The following SDHAF3 variants were observed in gnomAD, a reference collection of about 807,000 sequenced individuals.
SDHAF3 encodes succinate dehydrogenase complex assembly factor 3, also known as succinate dehydrogenase assembly factor 3, mitochondrial.
A neutral mutation model predicts 11.5 loss-of-function variants in SDHAF3; 18 were observed. That is an observed-to-expected ratio of 1.56 (90% CI 1.08 to 2.32). The LOEUF is 2.32. Ranked by LOEUF, SDHAF3 falls within the 30% of genes most tolerant of loss-of-function variation. The pLI is 0.00. For synonymous variants in SDHAF3, 72 were observed against 59.3 expected (o/e 1.21, Z -0.99); for missense variants, 200 against 154.4 (o/e 1.30, Z -1.57).
At chr7:97,163,831 C>G (rs1018109677) in intron 1 of SDHAF3, among the ~76,000 whole-genome samples, 1 of 151,982 alleles carries the variant, frequency 6.6e-6, no homozygotes, top group African/African-American at 2.4e-5. Context: ...TTCGAGAGCT[C>G]TTGTAAAGCA....
intron 1 of SDHAF3, among the ~76,000 whole-genome samples, chr7:97,131,171 T>A (rs571581315): frequency 6.6e-6 from 1 of 152,252 alleles, no homozygotes; most frequent in Admixed American, 6.5e-5. Context: ...ATTAAACTTT[T>A]GTGCTGTAAG....
At chr7:97,169,687 T>G (rs2115736246) in intron 1 of SDHAF3, among the ~76,000 whole-genome samples, 1 of 152,200 alleles carries the variant, frequency 6.6e-6, no homozygotes, top group East Asian at 1.9e-4. Context: ...TAAAAATCTA[T>G]TGCTAAATGC....
At position 97,181,562 on chromosome 7, in the gene SDHAF3, T is replaced by G. The variant is rs1281949723; in HGVS notation, c.*347T>G. 5.9e-6 allele frequency: 1 copy of G among 170,246 alleles called. No individual in the cohort carries two copies. The highest frequency in any genetic ancestry group is 2.4e-5 in the African/African-American group (1 of 41,812). The allele number at this position is 170,246 out of a possible 1,614,324, so 10.5% of individuals were successfully genotyped here. A position where few individuals can be genotyped will look rare whatever the true frequency, so the allele number is the denominator to read the frequency against. The stretch of plus-strand genomic sequence containing the variant: ...TGTTGTGATAATGATAGATGTACAA[T>G]TCCAACAAGGTTATTATTTTTTAAA... On this transcript the variant is annotated 3_prime_UTR_variant, in exon 2 of 2. Transcript: ENST00000432641.
Position 97,117,720 on chromosome 7 carries a change from C to T in SDHAF3, c.-4C>T, listed in dbSNP as rs148234166. 1.5e-3 allele frequency: 2,456 copies of T among 1,610,488 alleles called. 42 individuals carry two copies. In the African/African-American group the frequency reaches 0.03, roughly 20 times the overall value. ...GGCGCAGTCGGCGGTCGGCGTGGGG[C>T]GCTATGCCGGGGCGGCACGTTTCTC... On this transcript the variant is annotated 5_prime_UTR_variant, in exon 1 of 2. Transcript: ENST00000432641.
chr7:97,165,820 A>G (rs1354248496), intron 1 of SDHAF3, among the ~76,000 whole-genome samples: 1 of 152,186 alleles, frequency 6.6e-6, no homozygotes, highest in African/African-American at 2.4e-5. Context: ...CAGTTTACAC[A>G]TTTTATTCTT....
chr7:97,145,050 GT>G lies in SDHAF3; in HGVS notation c.174+27166del, dbSNP rs545292829. ...TTAGGTATATTCCTAAGTATTTTTT[GT>G]TTTTTTTTTTTTGCAGCTATTGTAA... On this transcript the variant is annotated intron_variant, in intron 1 of 1. Coordinates refer to ENST00000432641, the MANE Select transcript of SDHAF3 (RefSeq NM_020186.3). Among the ~76,000 whole-genome samples the G allele has an allele frequency of 1.3e-3, 169 of 131,390 alleles. 1 individual carries two copies. The highest frequency in any genetic ancestry group is 3.2e-3 in the African/African-American group (113 of 35,668). The allele number at this position is 131,390 out of a possible 152,430, so 86.2% of individuals were successfully genotyped here.
intron 1 of SDHAF3, among the ~76,000 whole-genome samples, chr7:97,151,459 A>G (rs1789218327): frequency 1.3e-5 from 2 of 150,904 alleles, no homozygotes; most frequent in Admixed American, 6.6e-5. Flanking sequence ...AGCCCTCCAA[A>G]GAATGGGTAA....
chr7:97,136,422 A>T, intron 1 of SDHAF3: 1 of 643,404 alleles, frequency 1.6e-6, no homozygotes, highest in Non-Finnish European at 2.9e-6. Flanking sequence ...TGTATCTGAA[A>T]AGAAAATTTC....
At chr7:97,164,794 C>T (rs1190396081) in intron 1 of SDHAF3, among the ~76,000 whole-genome samples, 3 of 152,006 alleles carry the variant, frequency 2.0e-5, no homozygotes, top group Non-Finnish European at 4.4e-5. Context: ...ACTGATCTAC[C>T]AATGTGGGGA....
intron 1 of SDHAF3, among the ~76,000 whole-genome samples, chr7:97,166,678 T>C (rs1357812560): frequency 6.6e-6 from 1 of 152,066 alleles, no homozygotes; most frequent in Non-Finnish European, 1.5e-5. Flanking sequence ...TTTCCCATCA[T>C]GGCCTGAACT....
intron 1 of SDHAF3, among the ~76,000 whole-genome samples, chr7:97,163,552 C>T (rs559932282): frequency 3.9e-5 from 6 of 152,228 alleles, no homozygotes; most frequent in Admixed American, 2.6e-4. Flanking sequence ...TGTCCTTGCA[C>T]GTGAGATGGA....
chr7:97,142,040 G>GTTT (rs1474413744), intron 1 of SDHAF3, among the ~76,000 whole-genome samples: 3 of 87,904 alleles, frequency 3.4e-5, no homozygotes, highest in Non-Finnish European at 4.4e-5. Flanking sequence ...GTGAATTGTT[G>GTTT]TCTTTTTTTT....
At position 97,150,744 on chromosome 7, in the gene SDHAF3, T is replaced by C. The variant is rs574227239; in HGVS notation, c.175-30268T>C. On this transcript the variant is annotated intron_variant, in intron 1 of 1. Transcript: ENST00000432641. ...ACACCCGGATAATTTTTTGTATTTT[T>C]AGTAGAGACGGGATTTCACTTGTTA... Among the ~76,000 whole-genome samples the C allele has an allele frequency of 4.3e-4, 66 of 151,944 alleles. 1 individual carries two copies. Among genetic ancestry groups the C allele is most frequent in the Admixed American group, 2.0e-3 (30 of 15,266 alleles).
intron 1 of SDHAF3, among the ~76,000 whole-genome samples, chr7:97,123,779 C>G (rs1791533895): frequency 6.9e-6 from 1 of 144,384 alleles, no homozygotes; most frequent in African/African-American, 2.5e-5. Context: ...TTGTTTACTG[C>G]ATAAATGTCT....
At chr7:97,167,432 C>T (rs1028068663) in intron 1 of SDHAF3, among the ~76,000 whole-genome samples, 21 of 152,060 alleles carry the variant, frequency 1.4e-4, no homozygotes, top group Admixed American at 1.3e-3. Context: ...AAAAATTACC[C>T]AGTCTCAGGT....
intron 1 of SDHAF3, among the ~76,000 whole-genome samples, chr7:97,172,207 GTTGA>G (rs1789610853): frequency 6.6e-6 from 1 of 152,142 alleles, no homozygotes; most frequent in Non-Finnish European, 1.5e-5. Context: ...TATTTTGCAA[GTTGA>G]TTATTTTACT....
chr7:97,135,581 ATG>A (rs55801981), intron 1 of SDHAF3: 77 of 137,150 alleles, frequency 5.6e-4, no homozygotes, highest in East Asian at 1.1e-3. Flanking sequence ...TAGTCCCCAT[ATG>A]TGTGTGTGTG....
At chr7:97,169,297 C>T (rs534835994) in intron 1 of SDHAF3, among the ~76,000 whole-genome samples, 8 of 145,706 alleles carry the variant, frequency 5.5e-5, no homozygotes, top group East Asian at 2.0e-4. Context: ...GCAACAAGAG[C>T]GAAACTGTCT....
At chr7:97,127,898 T>G (rs920155916) in intron 1 of SDHAF3, among the ~76,000 whole-genome samples, 256 of 45,118 alleles carry the variant, frequency 5.7e-3, no homozygotes, top group Non-Finnish European at 8.5e-3. Context: ...CTACATCAAG[T>G]TTTTTTTTTT....
Sources: allele counts gnomAD v4.1 joint callset (sites outside exome capture counted in the v4.1 genomes callset), GRCh38; gene constraint gnomAD v4.1.1; transcripts MANE v1.5; gene names NCBI Gene and HGNC (gene_info 2026-07-23, HGNC 2026-07-21).